KLHDC1: variants seen among roughly 807,000 people sequenced by gnomAD.
KLHDC1 encodes kelch domain containing 1, also known as kelch domain-containing protein 1.
Under a neutral mutation model 68.3 loss-of-function variants are expected in KLHDC1, and 53 were observed. That is an observed-to-expected ratio of 0.78 (90% confidence interval 0.62 to 0.98). KLHDC1 has a LOEUF of 0.98. Ranked by LOEUF, KLHDC1 falls within the 50% of genes least tolerant of loss-of-function variation. The probability of loss-of-function intolerance (pLI) is 0.00; values close to 1 mark genes in which losing one functional copy is unlikely to be tolerated. For missense variants in KLHDC1, 470 were observed against 492.3 expected (o/e 0.95, Z 0.43); for synonymous variants, 148 against 159.0 (o/e 0.93, Z 0.52).
chr14:49,718,866 T>A (rs1190827833), intron 4 of KLHDC1, among the ~76,000 whole-genome samples: 1 of 150,362 alleles, frequency 6.7e-6, no homozygotes, highest in African/African-American at 2.5e-5. Flanking sequence ...GCTCACTGTT[T>A]CCTGGGTTCA....
At chr14:49,705,211 C>T (rs915945012) in intron 1 of KLHDC1, among the ~76,000 whole-genome samples, 2 of 151,928 alleles carry the variant, frequency 1.3e-5, no homozygotes, top group African/African-American at 4.8e-5. Context: ...TGAAGGCGTA[C>T]TGTGTGTGAA....
At chr14:49,714,391 T>C (rs1371049777) in intron 4 of KLHDC1, among the ~76,000 whole-genome samples, 1 of 151,758 alleles carries the variant, frequency 6.6e-6, no homozygotes, top group Non-Finnish European at 1.5e-5. Flanking sequence ...AACAATGGCT[T>C]GAACCCAGGA....
intron 12 of KLHDC1, among the ~76,000 whole-genome samples, chr14:49,745,530 A>G (rs1889179897): frequency 6.6e-6 from 1 of 152,244 alleles, no homozygotes; most frequent in East Asian, 1.9e-4. Flanking sequence ...TCTACAATAG[A>G]AAAAGGAAAT....
At chr14:49,751,511 G>T (rs1162668635) in intron 12 of KLHDC1, 75 bp from the exon 13 acceptor site, 6 of 707,554 alleles carry the variant, frequency 8.5e-6, no homozygotes, top group South Asian at 4.7e-5. Flanking sequence ...AAAAAAGAAA[G>T]AATTCTTAAC....
chr14:49,694,224 C>G (rs533309311), intron 1 of KLHDC1, among the ~76,000 whole-genome samples: 1 of 152,180 alleles, frequency 6.6e-6, no homozygotes, highest in South Asian at 2.1e-4. Context: ...TCCATAATCA[C>G]AGAATTATAG....
At chr14:49,703,247 C>T (rs1381383997) in intron 1 of KLHDC1, among the ~76,000 whole-genome samples, 1 of 151,970 alleles carries the variant, frequency 6.6e-6, no homozygotes, top group Non-Finnish European at 1.5e-5. Flanking sequence ...CAGGTTACCA[C>T]TATCTTAAAT....
At chr14:49,726,224 A>C (rs113053990) in intron 6 of KLHDC1, among the ~76,000 whole-genome samples, 9 of 152,164 alleles carry the variant, frequency 5.9e-5, no homozygotes, top group African/African-American at 2.2e-4. Flanking sequence ...CATTAATAGC[A>C]TTAAGAAAAA....
intron 4 of KLHDC1, among the ~76,000 whole-genome samples, chr14:49,720,168 T>G (rs564441026): frequency 6.6e-6 from 1 of 152,302 alleles, no homozygotes; most frequent in Non-Finnish European, 1.5e-5. Flanking sequence ...GTATTTTTAG[T>G]ACAGATGGGG....
intron 4 of KLHDC1, among the ~76,000 whole-genome samples, chr14:49,712,509 T>C (rs1888233063): frequency 6.6e-6 from 1 of 151,380 alleles, no homozygotes; most frequent in Admixed American, 6.6e-5. Flanking sequence ...TTTCTTTTTT[T>C]TTTTTTTTTT....
At chr14:49,698,687 TGTATTTTTA>T (rs1039956814) in intron 1 of KLHDC1, among the ~76,000 whole-genome samples, 11 of 151,784 alleles carry the variant, frequency 7.2e-5, no homozygotes, top group Non-Finnish European at 1.0e-4. Flanking sequence ...AGCTAGTTTT[TGTATTTTTA>T]GTAGAGACGG....
chr14:49,747,199 G>A (rs545366385), intron 12 of KLHDC1, among the ~76,000 whole-genome samples: 15 of 152,062 alleles, frequency 9.9e-5, no homozygotes, highest in South Asian at 6.2e-4. Flanking sequence ...CACCCGCCTC[G>A]GCCTCCCAAA....
chr14:49,738,261 T>G (rs891578513), intron 10 of KLHDC1, among the ~76,000 whole-genome samples: 1 of 152,154 alleles, frequency 6.6e-6, no homozygotes, highest in African/African-American at 2.4e-5. Flanking sequence ...CTCTACTCCT[T>G]TATGAAATAA....
chr14:49,696,956 A>G (rs1032094699), intron 1 of KLHDC1, among the ~76,000 whole-genome samples: 1 of 149,624 alleles, frequency 6.7e-6, no homozygotes, highest in African/African-American at 2.5e-5. Context: ...TTTTTTTTTA[A>G]GACGGAGTCT....
chr14:49,693,639 G>A (rs1887638517), intron 1 of KLHDC1, among the ~76,000 whole-genome samples: 1 of 151,884 alleles, frequency 6.6e-6, no homozygotes, highest in African/African-American at 2.4e-5. Flanking sequence ...AAGGACCCGA[G>A]GACGCCGTGC....
intron 1 of KLHDC1, among the ~76,000 whole-genome samples, chr14:49,696,947 T>C (rs565332208): frequency 6.6e-6 from 1 of 152,090 alleles, no homozygotes; most frequent in African/African-American, 2.4e-5. Context: ...TCTTTTTTTT[T>C]TTTTTTTAAG....
rs370722106 is a variant in KLHDC1 at position 49,712,571 on chromosome 14, G to A, written c.404+2190G>A. On this transcript the variant is annotated intron_variant, in intron 4 of 12. Transcript: ENST00000359332. ...GGATGAAGTGCAGTGGTGGAATCTCGGCTCACTGCAACCTCAGCCTTCTGG... is the reference window on the plus strand; with the variant it reads ...GGATGAAGTGCAGTGGTGGAATCTCAGCTCACTGCAACCTCAGCCTTCTGG... 2.3e-4 allele frequency among the ~76,000 whole-genome samples: 35 copies of A among 149,868 alleles called. No individual in the cohort carries two copies. In the East Asian group the frequency reaches 4.5e-3, roughly 19 times the overall value.
chr14:49,751,486 C>T, intron 12 of KLHDC1, 100 bp from the exon 13 acceptor site: 2 of 529,964 alleles, frequency 3.8e-6, no homozygotes, highest in African/African-American at 2.0e-5. Context: ...TGTGAAAGTC[C>T]AATACTACAA....
At chr14:49,724,448 A>G (rs1888614836) in intron 5 of KLHDC1, among the ~76,000 whole-genome samples, 2 of 152,146 alleles carry the variant, frequency 1.3e-5, no homozygotes, top group South Asian at 4.1e-4. Context: ...TTTTAAACAG[A>G]TAATTTAAAA....
At chr14:49,736,122 T>C (rs1888925739) in intron 10 of KLHDC1, among the ~76,000 whole-genome samples, 1 of 152,238 alleles carries the variant, frequency 6.6e-6, no homozygotes, top group Non-Finnish European at 1.5e-5. Flanking sequence ...TATGAATGCA[T>C]TATAGACCAA....
Sources: gnomAD v4.1 joint callset for allele counts (sites outside exome capture counted in the v4.1 genomes callset) on GRCh38, gnomAD v4.1.1 for gene constraint, MANE v1.5 for transcripts, NCBI Gene and HGNC (gene_info 2026-07-23, HGNC 2026-07-21) for gene names.